Variants in RASA2 observed in about 807,000 individuals in gnomAD.
RASA2 encodes RAS p21 protein activator 2, also known as ras GTPase-activating protein 2.
RASA2 carries 155 observed loss-of-function variants against 118.2 expected under a neutral mutation model. The ratio of observed to expected loss-of-function variants is 1.31; its 90% CI spans 1.15 to 1.50. RASA2 has a LOEUF of 1.50. RASA2 is among the 40% of genes most tolerant of loss of function. The probability of loss-of-function intolerance (pLI) is 0.00; values close to 1 mark genes in which losing one functional copy is unlikely to be tolerated. For synonymous variants in RASA2, 353 were observed against 349.1 expected (o/e 1.01, Z -0.12); for missense variants, 1,016 against 1,009.6 (o/e 1.01, Z -0.09).
intron 23 of RASA2, among the ~76,000 whole-genome samples, chr3:141,611,252 C>G (rs2083647442): frequency 6.6e-6 from 1 of 152,206 alleles, no homozygotes; most frequent in Non-Finnish European, 1.5e-5. Context: ...AAGGTGATTT[C>G]TCTCCTCCTC....
At chr3:141,548,870 C>G (rs1410270937) in intron 5 of RASA2, among the ~76,000 whole-genome samples, 1 of 152,180 alleles carries the variant, frequency 6.6e-6, no homozygotes, top group Non-Finnish European at 1.5e-5. Context: ...GTTCCGTAAA[C>G]TCCCCTATTG....
At position 141,548,377 on chromosome 3, in the gene RASA2, G is replaced by A. The variant is rs569263223; in HGVS notation, c.528-5480G>A. Among the ~76,000 whole-genome samples, 20 of 152,124 alleles carry A rather than the reference G, an allele frequency of 1.3e-4. No individual in the cohort carries two copies. The South Asian group carries it at 4.0e-3, about 30-fold the overall frequency. ...TCATTACTTGTTATTGGTCTCTTCA[G>A]GTTTTGGATTTTTTCATGGTTCAAT... is the stretch of plus-strand genomic sequence containing the variant. On this transcript the variant is annotated intron_variant, in intron 5 of 23. Coordinates refer to ENST00000286364, the MANE Select transcript of RASA2 (RefSeq NM_006506.5).
intron 23 of RASA2, among the ~76,000 whole-genome samples, chr3:141,611,692 AATT>A (rs2083654064): frequency 6.6e-6 from 1 of 152,192 alleles, no homozygotes; most frequent in South Asian, 2.1e-4. Flanking sequence ...AAAATATGTG[AATT>A]AATAATTATA....
Position 141,512,186 on chromosome 3 carries a change from T to G in RASA2, c.157T>G (p.Tyr53Asp), listed in dbSNP as rs750558208. The change falls in exon 2 of 24, where the codon TAT becomes GAT. Residue 53 changes from tyrosine to aspartate, a missense_variant. By Grantham distance (160) the Tyr-to-Asp change is radical. Transcript: ENST00000286364. Reference sequence around the variant, plus strand: ...AGGTGAAGCAAAAAATTTATTGCCATATCTTGGACCCCACAAAATGAGAGA... The same window carrying G: ...AGGTGAAGCAAAAAATTTATTGCCAGATCTTGGACCCCACAAAATGAGAGA... ...KICEAKNLLPYLGPHKMRDCF... is the reference protein window; with the variant it reads ...KICEAKNLLPDLGPHKMRDCF... 9.3e-6 allele frequency: 15 copies of G among 1,606,978 alleles called. No individual in the cohort carries two copies. Among genetic ancestry groups the G allele is most frequent in the Non-Finnish European group, 2.5e-6 (3 of 1,178,006 alleles).
chr3:141,562,385 A>AT (rs2082743908), intron 9 of RASA2, among the ~76,000 whole-genome samples: 1 of 148,098 alleles, frequency 6.8e-6, no homozygotes, highest in South Asian at 2.1e-4. Context: ...GCACTTTGGG[A>AT]GCGCAAGGCA....
intron 22 of RASA2, 27 bp from the exon 23 acceptor site, chr3:141,609,850 A>G (rs77226789): frequency 4.6e-6 from 7 of 1,510,016 alleles, no homozygotes; most frequent in Non-Finnish European, 5.3e-6. Context: ...TTGTCTGATC[A>G]GAGATTTATT....
chr3:141,512,131 T>A, intron 1 of RASA2, 32 bp from the exon 2 acceptor site: 1 of 1,458,154 alleles, frequency 6.9e-7, no homozygotes, highest in Non-Finnish European at 9.6e-7. Context: ...GTTGATGATA[T>A]TTAATAACAA....
At chr3:141,540,377 G>T in intron 4 of RASA2, among the ~76,000 whole-genome samples, 156 bp from the exon 5 acceptor site, 1 of 152,200 alleles carries the variant, frequency 6.6e-6, no homozygotes, top group East Asian at 1.9e-4. Context: ...TTGATCTCTG[G>T]TTTTGGTTAT....
chr3:141,554,301 T>C (rs75058069), intron 6 of RASA2, among the ~76,000 whole-genome samples: 2,278 of 152,304 alleles, frequency 0.015, 25 homozygotes, highest in Non-Finnish European at 0.023. Context: ...TTTTAATGAA[T>C]GCCAGTTCAG....
chr3:141,607,515 C>T (rs1426411207), intron 19 of RASA2, 163 bp from the exon 20 acceptor site: 3 of 634,876 alleles, frequency 4.7e-6, no homozygotes, highest in Admixed American at 4.4e-5. Flanking sequence ...TTCATCTGTT[C>T]CATGAAACAA....
At chr3:141,512,486 C>A (rs2081966421) in intron 2 of RASA2, among the ~76,000 whole-genome samples, 2 of 152,140 alleles carry the variant, frequency 1.3e-5, no homozygotes, top group Non-Finnish European at 2.9e-5. Flanking sequence ...ACATGACAGG[C>A]TAAATATTGC....
intron 9 of RASA2, among the ~76,000 whole-genome samples, chr3:141,569,930 C>T (rs528518763): frequency 1.1e-4 from 17 of 152,194 alleles, no homozygotes; most frequent in African/African-American, 4.1e-4. Context: ...TAGTGGCCTC[C>T]AGCAGCATCC....
At chr3:141,585,824 T>C (rs905524371) in intron 17 of RASA2, among the ~76,000 whole-genome samples, 1 of 152,178 alleles carries the variant, frequency 6.6e-6, no homozygotes, top group Admixed American at 6.5e-5. Flanking sequence ...AATAAATAAA[T>C]AATACTTTTA....
intron 3 of RASA2, among the ~76,000 whole-genome samples, chr3:141,519,737 C>G (rs1302595211): frequency 1.3e-5 from 2 of 152,096 alleles, no homozygotes; most frequent in East Asian, 3.9e-4. Context: ...ACCCTTGAAG[C>G]TGTATCCTCA....
chr3:141,506,603 A>C (rs2081870560), intron 1 of RASA2, among the ~76,000 whole-genome samples: 1 of 152,172 alleles, frequency 6.6e-6, no homozygotes, highest in African/African-American at 2.4e-5. Context: ...CACGATTTGA[A>C]TGTTAAGAAT....
chr3:141,583,858 A>G (rs991534767), intron 17 of RASA2, among the ~76,000 whole-genome samples: 1 of 152,194 alleles, frequency 6.6e-6, no homozygotes, highest in Non-Finnish European at 1.5e-5. Flanking sequence ...GTAGAGAAGT[A>G]TAAAGGAAAA....
chr3:141,560,083 T>C, intron 9 of RASA2, 88 bp downstream of exon 9: 2 of 1,044,466 alleles, frequency 1.9e-6, no homozygotes, highest in South Asian at 1.7e-5. Flanking sequence ...TCTGAACATA[T>C]TTTAAATTTG....
chr3:141,567,464 A>G (rs1384410215), intron 9 of RASA2, among the ~76,000 whole-genome samples: 1 of 152,164 alleles, frequency 6.6e-6, no homozygotes, highest in Non-Finnish European at 1.5e-5. Flanking sequence ...CTTAGATAAA[A>G]TATGTAATTT....
chr3:141,569,805 C>T (rs1319060718), intron 9 of RASA2, among the ~76,000 whole-genome samples: 1 of 151,944 alleles, frequency 6.6e-6, no homozygotes, highest in African/African-American at 2.4e-5. Context: ...CTTTTGGAAC[C>T]CCCAGTGTCT....
Sources: gnomAD v4.1 joint callset for allele counts (sites outside exome capture counted in the v4.1 genomes callset) on GRCh38, gnomAD v4.1.1 for gene constraint, MANE v1.5 for transcripts, NCBI Gene and HGNC (gene_info 2026-07-23, HGNC 2026-07-21) for gene names.